The following TMEM144 variants were observed in gnomAD, a reference collection of about 807,000 sequenced individuals.
TMEM144 encodes transmembrane protein 144.
In TMEM144, 39 loss-of-function variants were observed where a neutral mutation model predicts 43.6. The ratio of observed to expected loss-of-function variants is 0.90; its 90% CI spans 0.69 to 1.17. TMEM144 has a LOEUF of 1.17. Ranked by LOEUF, TMEM144 falls within the 50% of genes most tolerant of loss-of-function variation. The pLI is 0.00. For synonymous variants in TMEM144, 154 were observed against 133.6 expected, an observed-to-expected ratio of 1.15 and a Z score of -1.06; for missense variants, 417 against 411.9, an observed-to-expected ratio of 1.01 and a Z score of -0.11.
intron 3 of TMEM144, chr4:158,214,038 T>G (rs1334145739): frequency 6.6e-6 from 1 of 152,194 alleles, no homozygotes; most frequent in Non-Finnish European, 1.5e-5. Flanking sequence ...TTATTTTTTA[T>G]TTTTCATTTT....
At chr4:158,241,411 G>A in intron 10 of TMEM144, 98 bp from the exon 11 acceptor site, 1 of 864,618 alleles carries the variant, frequency 1.2e-6, no homozygotes, top group Admixed American at 2.1e-5. Context: ...TGATTAGAAT[G>A]CATTTATATG....
Position 158,240,325 on chromosome 4 carries a change from A to G in TMEM144, c.709A>G (p.Ser237Gly). The G allele has an allele frequency of 1.9e-6, 3 of 1,613,672 alleles. No homozygotes were observed. Among genetic ancestry groups the G allele is most frequent in the Non-Finnish European group, 2.5e-6 (3 of 1,179,828 alleles). ...TTTAGACTATGTGTTTGCGCACTTCAGTGGCATCTTTCTTACAAGTACTGT... is the reference window on the plus strand; with the variant it reads ...TTTAGACTATGTGTTTGCGCACTTCGGTGGCATCTTTCTTACAAGTACTGT... ...YDLDYVFAHFSGIFLTSTVYF... is the reference protein window; with the variant it reads ...YDLDYVFAHFGGIFLTSTVYF... The change falls in exon 10 of 13, where the codon AGT becomes GGT. Residue 237 changes from serine to glycine, a missense_variant. Physicochemically the swap from Ser to Gly is moderately conservative, Grantham distance 56 (BLOSUM62 0). Coordinates refer to ENST00000296529, the MANE Select transcript of TMEM144 (RefSeq NM_018342.5).
intron 12 of TMEM144, among the ~76,000 whole-genome samples, chr4:158,248,323 T>G (rs1328924): frequency 1.3e-5 from 2 of 151,992 alleles, no homozygotes; most frequent in African/African-American, 2.4e-5. Context: ...TCCCAGCTGT[T>G]TGGGAGGCTG....
At chr4:158,245,060 T>C (rs538477685) in intron 12 of TMEM144, among the ~76,000 whole-genome samples, 2 of 152,230 alleles carry the variant, frequency 1.3e-5, no homozygotes, top group Middle Eastern at 3.4e-3. Flanking sequence ...TGGGAATAGA[T>C]GTTTATATTG....
At chr4:158,213,028 T>C (rs1171918512) in intron 3 of TMEM144, 2 of 542,616 alleles carry the variant, frequency 3.7e-6, no homozygotes, top group East Asian at 2.9e-5. Context: ...ATTATATGAA[T>C]GGAAGAAATT....
intron 6 of TMEM144, among the ~76,000 whole-genome samples, chr4:158,230,512 T>C (rs1444777265): frequency 6.6e-6 from 1 of 152,148 alleles, no homozygotes; most frequent in African/African-American, 2.4e-5. Flanking sequence ...CACAGGTCTA[T>C]ACAGAGTAGA....
intron 6 of TMEM144, 107 bp downstream of exon 6, chr4:158,219,497 A>C (rs1364444348): frequency 1.8e-6 from 2 of 1,087,780 alleles, no homozygotes; most frequent in African/African-American, 3.1e-5. Context: ...CGTAAAATCC[A>C]CATGCTTGTT....
In TMEM144 at chr4:158,222,984, A is replaced by T. The variant is rs186481478; in HGVS notation, c.413+3594A>T. On this transcript the variant is annotated intron_variant, in intron 6 of 12. Coordinates refer to ENST00000296529, the MANE Select transcript of TMEM144 (RefSeq NM_018342.5). ...AGTTATTTTAAGTCTGTAGCCCAAA[A>T]CACCTTGTGATTTATTTGGTTTTAT... 3.9e-4 allele frequency among the ~76,000 whole-genome samples: 60 copies of T among 152,296 alleles called. 1 individual carries two copies. In the East Asian group the frequency reaches 0.011, roughly 28 times the overall value.
chr4:158,220,551 A>G (rs910406271), intron 6 of TMEM144, among the ~76,000 whole-genome samples: 2 of 152,242 alleles, frequency 1.3e-5, no homozygotes, highest in African/African-American at 4.8e-5. Context: ...CTATGTGGCC[A>G]TGGGCAAATA....
chr4:158,217,419 A>C lies in TMEM144; in HGVS notation c.331A>C (p.Arg111=), dbSNP rs781766998. The change falls in exon 5 of 13, where the codon AGG becomes CGG. Residue 111 remains arginine, a splice_region_variant and synonymous_variant. Coordinates refer to ENST00000296529, the MANE Select transcript of TMEM144 (RefSeq NM_018342.5). ...FNALTGWASS[R]FGWFGLDAEE... ...TGCCTTAACTGGCTGGGCAAGCTCA[A>C]GGTAATTCAAGTCAAACTAGTTCAA... is the stretch of plus-strand genomic sequence containing the variant. 1 of 1,608,332 alleles carries C rather than the reference A, an allele frequency of 6.2e-7. No individual in the cohort carries two copies. Among genetic ancestry groups the C allele is most frequent in the Non-Finnish European group, 8.5e-7 (1 of 1,175,138 alleles).
intron 12 of TMEM144, among the ~76,000 whole-genome samples, chr4:158,245,186 T>C (rs1735823179): frequency 6.6e-6 from 1 of 151,130 alleles, no homozygotes; most frequent in African/African-American, 2.4e-5. Flanking sequence ...GAATTTAAAA[T>C]TGCATTCATC....
intron 8 of TMEM144, among the ~76,000 whole-genome samples, chr4:158,236,461 T>C (rs1735354092): frequency 6.6e-6 from 1 of 152,322 alleles, no homozygotes; most frequent in Middle Eastern, 3.4e-3. Context: ...GCTTAGTCTA[T>C]TAGTCTTGTC....
At chr4:158,243,146 A>G (rs1579146315) in intron 11 of TMEM144, among the ~76,000 whole-genome samples, 1 of 152,206 alleles carries the variant, frequency 6.6e-6, no homozygotes. Flanking sequence ...TTAGCATAAC[A>G]TTAATATGGT....
chr4:158,221,754 T>A (rs1734520760), intron 6 of TMEM144, among the ~76,000 whole-genome samples: 1 of 152,192 alleles, frequency 6.6e-6, no homozygotes. Context: ...AGCTGTCACC[T>A]TTCCTCAAGC....
At chr4:158,227,756 T>G (rs571575752) in intron 6 of TMEM144, among the ~76,000 whole-genome samples, 1 of 152,306 alleles carries the variant, frequency 6.6e-6, no homozygotes, top group Non-Finnish European at 1.5e-5. Flanking sequence ...CAGGTTACCT[T>G]GGGCCATACC....
rs900370747 is a variant in TMEM144, at chr4:158,219,945, G to A, written c.413+555G>A. 3.3e-5 allele frequency among the ~76,000 whole-genome samples: 5 copies of A among 152,248 alleles called. No homozygotes were observed. The South Asian group carries it at 6.2e-4, about 19-fold the overall frequency. Reference sequence around the variant, plus strand: ...CTGTGTCTAGCTGTATGCACTCTACGAATAAGGGTGAAAATGACTTTGAAT... The same window carrying A: ...CTGTGTCTAGCTGTATGCACTCTACAAATAAGGGTGAAAATGACTTTGAAT... On this transcript the variant is annotated intron_variant, in intron 6 of 12. Transcript: ENST00000296529.
At position 158,228,961 on chromosome 4, in the gene TMEM144, G is replaced by A. The variant is rs1734921047; in HGVS notation, c.414-3940G>A. On this transcript the variant is annotated intron_variant, in intron 6 of 12. Coordinates refer to ENST00000296529, the MANE Select transcript of TMEM144 (RefSeq NM_018342.5). ...TGAGCAAGCAGGGGGTAGTTGACTG[G>A]GGGCTGCATGCACCGGTAATCAGAA... is the stretch of plus-strand genomic sequence containing the variant. 2.6e-5 allele frequency among the ~76,000 whole-genome samples: 4 copies of A among 152,050 alleles called. 1 individual carries two copies. The South Asian group carries it at 6.2e-4, about 24-fold the overall frequency.
In TMEM144 at chr4:158,244,283, A is replaced by G. The variant is rs1392034804; in HGVS notation, c.901-13A>G. 2 of 1,565,326 alleles carry G rather than the reference A, an allele frequency of 1.3e-6. No individual in the cohort carries two copies. Among genetic ancestry groups the G allele is most frequent in the African/African-American group, 1.4e-5 (1 of 72,868 alleles). On this transcript the variant is annotated splice_polypyrimidine_tract_variant and intron_variant, in intron 11 of 12. Coordinates refer to ENST00000296529, the MANE Select transcript of TMEM144 (RefSeq NM_018342.5). Reference sequence around the variant, plus strand: ...AATATCCAATTTAATTAAAATTTATATTTTTATTTAAGGGTCCAGGATTTA... The same window carrying G: ...AATATCCAATTTAATTAAAATTTATGTTTTTATTTAAGGGTCCAGGATTTA...
intron 6 of TMEM144, among the ~76,000 whole-genome samples, chr4:158,224,427 A>G (rs1309653629): frequency 6.6e-6 from 1 of 152,096 alleles, no homozygotes; most frequent in Non-Finnish European, 1.5e-5. Flanking sequence ...GATCCCACTT[A>G]TGAGATCTTT....
Sources: allele counts gnomAD v4.1 joint callset (sites outside exome capture counted in the v4.1 genomes callset), GRCh38; gene constraint gnomAD v4.1.1; transcripts MANE v1.5; gene names NCBI Gene and HGNC (gene_info 2026-07-23, HGNC 2026-07-21).